IL1RAPL1: variants seen among roughly 807,000 people sequenced by gnomAD.
IL1RAPL1 encodes interleukin 1 receptor accessory protein like 1.
Under a neutral mutation model 48.4 loss-of-function variants are expected in IL1RAPL1, and 3 were observed. That is an observed-to-expected ratio of 0.06 (90% confidence interval 0.03 to 0.16). The LOEUF is 0.16. Among genes scored for constraint, IL1RAPL1 ranks in the 10% least tolerant of loss-of-function variants. IL1RAPL1 has a pLI of 1.00. For missense variants in IL1RAPL1, 349 were observed against 530.6 expected, an observed-to-expected ratio of 0.66 and a Z score of 3.36; for synonymous variants, 185 against 187.7, an observed-to-expected ratio of 0.99 and a Z score of 0.12.
At chrX:29,646,644 AAAGCC>A (rs1324997314) in intron 5 of IL1RAPL1, among the ~76,000 whole-genome samples, 6 of 111,147 alleles carry the variant, frequency 5.4e-5, no homozygotes, top group Admixed American at 4.8e-4. Context: ...GATTTAAATA[AAAGCC>A]AAGTCATATT....
chrX:29,222,031 A>AAG (rs1378283777), intron 2 of IL1RAPL1, among the ~76,000 whole-genome samples: 1 of 108,975 alleles, frequency 9.2e-6, no homozygotes, highest in Non-Finnish European at 1.9e-5. Context: ...AAAAAAAAAA[A>AAG]AAACCTGCAC....
chrX:29,074,231 T>C (rs1009346961), intron 2 of IL1RAPL1, among the ~76,000 whole-genome samples: 3 of 111,354 alleles, frequency 2.7e-5, no homozygotes, highest in African/African-American at 6.5e-5. Flanking sequence ...TTCCCACTTA[T>C]TGAACTCAAT....
intron 2 of IL1RAPL1, among the ~76,000 whole-genome samples, chrX:29,155,563 T>C (rs1929552375): frequency 8.9e-6 from 1 of 112,047 alleles, no homozygotes; most frequent in Non-Finnish European, 1.9e-5. Flanking sequence ...CCACCAAAAA[T>C]ATTCAGAAGT....
intron 3 of IL1RAPL1, among the ~76,000 whole-genome samples, chrX:29,362,776 T>A (rs1328809053): frequency 8.9e-6 from 1 of 112,163 alleles, no homozygotes; most frequent in Non-Finnish European, 1.9e-5. Context: ...AGGTATTCCC[T>A]ATTGCTCATC....
chrX:29,666,624 T>G (rs1310049925), intron 5 of IL1RAPL1, among the ~76,000 whole-genome samples: 1 of 109,596 alleles, frequency 9.1e-6, no homozygotes, highest in African/African-American at 3.3e-5. Context: ...TGGGTTATGA[T>G]GGAGAACCAC....
At chrX:29,158,944 CTCCCTCTCCCTCTCTCTCTCT>C (rs1929626905) in intron 2 of IL1RAPL1, among the ~76,000 whole-genome samples, 18 of 61,069 alleles carry the variant, frequency 2.9e-4, no homozygotes, top group African/African-American at 1.2e-3. Context: ...CCCCCCCTCC[CTCCCTCTCCCTCTCTCTCTCT>C]CTCTCTCTTT....
intron 2 of IL1RAPL1, among the ~76,000 whole-genome samples, chrX:28,854,671 C>G (rs1569186497): frequency 9.0e-6 from 1 of 110,738 alleles, no homozygotes; most frequent in Non-Finnish European, 1.9e-5. Context: ...CCTAGGAATC[C>G]AATTTAAAGA....
intron 5 of IL1RAPL1, among the ~76,000 whole-genome samples, chrX:29,650,837 C>A (rs1458423667): frequency 1.8e-5 from 2 of 110,450 alleles, no homozygotes; most frequent in African/African-American, 6.6e-5. Context: ...AGAATAAAAG[C>A]AGCCTATAGA....
At chrX:29,655,427 C>T (rs1199960308) in intron 5 of IL1RAPL1, among the ~76,000 whole-genome samples, 1 of 110,949 alleles carries the variant, frequency 9.0e-6, no homozygotes, top group African/African-American at 3.3e-5. Context: ...CTTTTGGAGG[C>T]CGAGGTGGGT....
intron 2 of IL1RAPL1, among the ~76,000 whole-genome samples, chrX:29,000,870 AT>A (rs1426254851): frequency 2.9e-5 from 3 of 105,106 alleles, no homozygotes; most frequent in Non-Finnish European, 5.8e-5. Context: ...ATTTCTCAGT[AT>A]CCTGGGGACA....
At chrX:29,657,177 G>A (rs1193201745) in intron 5 of IL1RAPL1, among the ~76,000 whole-genome samples, 1 of 111,673 alleles carries the variant, frequency 9.0e-6, no homozygotes, top group Non-Finnish European at 1.9e-5. Context: ...ATTTCTGTTT[G>A]AAATATAGGT....
intron 2 of IL1RAPL1, among the ~76,000 whole-genome samples, chrX:29,230,863 T>C (rs1311156145): frequency 9.0e-6 from 1 of 111,378 alleles, no homozygotes; most frequent in African/African-American, 3.3e-5. Context: ...CTGTAGCGTA[T>C]ATGTGAGACC....
Position 29,433,718 on chromosome X carries a change from C to T in IL1RAPL1, c.703+34410C>T, listed in dbSNP as rs1602232893. Among the ~76,000 whole-genome samples the T allele has an allele frequency of 2.7e-5, 3 of 111,212 alleles. No individual in the cohort carries two copies. The South Asian group carries it at 1.1e-3, about 41-fold the overall frequency. ...GTAAGTCTTCACTATTGTTTTAATT[C>T]TTTATTCTTTTATCCTTAATTTGAT... On this transcript the variant is annotated intron_variant, in intron 5 of 10. Coordinates refer to ENST00000378993, the MANE Select transcript of IL1RAPL1 (RefSeq NM_014271.4).
chrX:29,446,904 GA>G (rs1218211835), intron 5 of IL1RAPL1, among the ~76,000 whole-genome samples: 1 of 109,409 alleles, frequency 9.1e-6, no homozygotes, highest in African/African-American at 3.3e-5. Context: ...CTCCCTCTCA[GA>G]AAAAAAAGTG....
chrX:29,510,013 G>A (rs771118361), intron 5 of IL1RAPL1, among the ~76,000 whole-genome samples: 4 of 112,047 alleles, frequency 3.6e-5, no homozygotes, highest in African/African-American at 9.7e-5. Context: ...GATTTTTACC[G>A]TTATCAGAAT....
At chrX:29,623,916 AG>A (rs1924541072) in intron 5 of IL1RAPL1, among the ~76,000 whole-genome samples, 1 of 112,091 alleles carries the variant, frequency 8.9e-6, no homozygotes, top group Non-Finnish European at 1.9e-5. Context: ...ATAACATCTT[AG>A]TCCTTATGTA....
At position 29,668,335 on chromosome X, in the gene IL1RAPL1, G is replaced by T. The variant is rs184351830; in HGVS notation, c.704-95G>T. ...AGAGCACTTTAACACTACTTTGAAA[G>T]TGAAAAATATTTGGGAAAATAGACT... On this transcript the variant is annotated intron_variant, in intron 5 of 10. Coordinates refer to ENST00000378993, the MANE Select transcript of IL1RAPL1 (RefSeq NM_014271.4). 2.1e-4 allele frequency: 170 copies of T among 811,951 alleles called. 1 individual carries two copies. In the East Asian group the frequency reaches 5.1e-3, roughly 24 times the overall value. The allele number at this position is 811,951 out of a possible 1,213,427, so 66.9% of individuals were successfully genotyped here.
chrX:28,823,923 A>G (rs1380300905), intron 2 of IL1RAPL1, among the ~76,000 whole-genome samples: 2 of 111,603 alleles, frequency 1.8e-5, no homozygotes, highest in African/African-American at 6.5e-5. Flanking sequence ...TATTCTAAGG[A>G]TTAAGATGTG....
At chrX:29,943,291 G>A (rs145180692) in intron 9 of IL1RAPL1, among the ~76,000 whole-genome samples, 6 of 111,651 alleles carry the variant, frequency 5.4e-5, no homozygotes, top group East Asian at 2.8e-4. Flanking sequence ...TGCCATTGTC[G>A]GAACTACTGT....
Sources: gnomAD v4.1 joint callset for allele counts (sites outside exome capture counted in the v4.1 genomes callset) on GRCh38, gnomAD v4.1.1 for gene constraint, MANE v1.5 for transcripts, NCBI Gene and HGNC (gene_info 2026-07-23, HGNC 2026-07-21) for gene names.